ARIH1: variants seen among roughly 807,000 people sequenced by gnomAD.
The protein encoded by ARIH1 is ariadne RBR E3 ubiquitin protein ligase 1, also known as E3 ubiquitin-protein ligase ARIH1.
Under a neutral mutation model 85.0 loss-of-function variants are expected in ARIH1, and 8 were observed. The observed-to-expected ratio is 0.09, with a 90% CI of 0.06 to 0.17. The LOEUF (loss-of-function observed/expected upper bound fraction) is 0.17, where lower values mean the gene tolerates loss of function less well. Ranked by LOEUF, ARIH1 falls within the 10% of genes least tolerant of loss-of-function variation. ARIH1 has a pLI of 1.00. For synonymous variants in ARIH1, 238 were observed against 253.6 expected, an observed-to-expected ratio of 0.94 and a Z score of 0.59; for missense variants, 311 against 718.1, an observed-to-expected ratio of 0.43 and a Z score of 6.48.
chr15:72,572,043 A>ATTT, intron 10 of ARIH1, 65 bp from the exon 11 acceptor site: 15 of 916,698 alleles, frequency 1.6e-5, no homozygotes, highest in Admixed American at 5.3e-5. Context: ...TAAAATTCTG[A>ATTT]TTTTTTTTTT....
Position 72,582,149 on chromosome 15 carries a change from T to C in ARIH1, c.1551T>C (p.Ser517=). The C allele has an allele frequency of 6.2e-7, 1 of 1,613,470 alleles. No individual in the cohort carries two copies. The highest frequency in any genetic ancestry group is 1.3e-5 in the African/African-American group (1 of 75,004). ...TTGAACGAGATATTTCCCAAGATTC[T>C]CTGCAGGATATAAAGCAGAAAGTAC... ...GYLERDISQD[S]LQDIKQKVQD... Residue 517 remains serine, a synonymous_variant, in exon 13 of 14, where the codon TCT becomes TCC. Transcript: ENST00000379887. This position sits in a 1 kb window ranked among gnomAD's most constrained non-coding sequence, Gnocchi z 4.6.
intron 2 of ARIH1, among the ~76,000 whole-genome samples, chr15:72,538,073 A>G (rs1478344927): frequency 1.3e-5 from 2 of 152,166 alleles, no homozygotes; most frequent in East Asian, 3.9e-4. Flanking sequence ...GTTTAAGAAT[A>G]AGCATAGAGG....
At chr15:72,547,242 T>C (rs199881403) in intron 3 of ARIH1, among the ~76,000 whole-genome samples, 1 of 49,712 alleles carries the variant, frequency 2.0e-5, no homozygotes, top group African/African-American at 5.1e-5. Context: ...CCTTTTCTCT[T>C]TTTTTTTTGA....
chr15:72,570,428 G>A (rs2064238289), intron 10 of ARIH1, 121 bp downstream of exon 10: 4 of 1,217,060 alleles, frequency 3.3e-6, no homozygotes, highest in South Asian at 3.0e-5. Context: ...TACATAGTGT[G>A]TGATTAATGT....
intron 1 of ARIH1, among the ~76,000 whole-genome samples, chr15:72,494,485 A>G (rs1280319180): frequency 2.0e-5 from 3 of 152,120 alleles, no homozygotes; most frequent in African/African-American, 7.2e-5. Context: ...AACAATAAGG[A>G]ATTGAATATT....
chr15:72,501,744 C>A (rs1436759745), intron 1 of ARIH1, among the ~76,000 whole-genome samples: 1 of 152,202 alleles, frequency 6.6e-6, no homozygotes, highest in African/African-American at 2.4e-5. Context: ...AATCATCTCA[C>A]AATTCTAATC....
rs2140386651 is a variant in ARIH1, at chr15:72,474,876, C to CGGT, written c.239_240insTGG (p.Gly90dup). ...GCAGCGCTCTGGGGCCCGGCGGTGG[C>CGGT]GGCGGCGGCGGCGGCGGCGGTGGTG... On this transcript the variant is annotated inframe_insertion, in exon 1 of 14. Transcript: ENST00000379887. The CGGT allele has an allele frequency of 7.8e-7, 1 of 1,273,922 alleles. No homozygotes were observed. 78.9% of individuals were successfully genotyped at this position (1,273,922 alleles called of 1,614,324 possible).
chr15:72,547,874 C>CT (rs947313253), intron 3 of ARIH1, among the ~76,000 whole-genome samples: 1 of 152,130 alleles, frequency 6.6e-6, no homozygotes, highest in African/African-American at 2.4e-5. Flanking sequence ...AGTACTGAAG[C>CT]TTGGCTGCTT....
intron 1 of ARIH1, among the ~76,000 whole-genome samples, chr15:72,484,913 G>A (rs1255217655): frequency 3.3e-5 from 5 of 151,872 alleles, no homozygotes; most frequent in African/African-American, 1.2e-4. Flanking sequence ...TATCTTTTTC[G>A]TATAATGACT....
At chr15:72,503,979 A>G (rs2063913921) in intron 1 of ARIH1, among the ~76,000 whole-genome samples, 1 of 152,244 alleles carries the variant, frequency 6.6e-6, no homozygotes, top group South Asian at 2.1e-4. Flanking sequence ...TTACCAGCTC[A>G]GTAGGCTCCT....
intron 2 of ARIH1, among the ~76,000 whole-genome samples, chr15:72,542,615 A>G (rs1380189069): frequency 6.6e-6 from 1 of 152,246 alleles, no homozygotes; most frequent in Non-Finnish European, 1.5e-5. Flanking sequence ...AGACATTTAA[A>G]GACAAAGGTG....
intron 2 of ARIH1, among the ~76,000 whole-genome samples, chr15:72,542,990 G>A (rs991435333): frequency 2.0e-4 from 30 of 150,946 alleles, no homozygotes; most frequent in Non-Finnish European, 3.8e-4. Flanking sequence ...GTGCAGTGCA[G>A]TGGCACCATC....
chr15:72,485,573 C>G (rs2063834533), intron 1 of ARIH1, among the ~76,000 whole-genome samples: 1 of 151,790 alleles, frequency 6.6e-6, no homozygotes, highest in Admixed American at 6.6e-5. Flanking sequence ...TTAGCTTTCA[C>G]TCATTGTTCT....
chr15:72,572,981 CA>C (rs1052211348), intron 11 of ARIH1, among the ~76,000 whole-genome samples: 4 of 152,140 alleles, frequency 2.6e-5, no homozygotes, highest in Non-Finnish European at 4.4e-5. Flanking sequence ...TCATTCCTTT[CA>C]GTCTGGTGAT....
chr15:72,479,249 G>A (rs192494000), intron 1 of ARIH1, among the ~76,000 whole-genome samples: 7 of 152,168 alleles, frequency 4.6e-5, no homozygotes, highest in African/African-American at 1.7e-4. Context: ...AAAAACTTCT[G>A]GTCTCAAGTA....
chr15:72,540,540 A>C (rs938210927), intron 2 of ARIH1, among the ~76,000 whole-genome samples: 1 of 152,176 alleles, frequency 6.6e-6, no homozygotes. Flanking sequence ...GGTAAAAGAA[A>C]AAGATTTCTG....
intron 3 of ARIH1, among the ~76,000 whole-genome samples, chr15:72,549,385 G>A (rs904741777): frequency 6.6e-6 from 1 of 152,172 alleles, no homozygotes; most frequent in African/African-American, 2.4e-5. Context: ...GCCACGGCCA[G>A]CCAGTGTCTC....
chr15:72,524,005 G>A (rs2064013659), intron 2 of ARIH1, among the ~76,000 whole-genome samples: 1 of 145,092 alleles, frequency 6.9e-6, no homozygotes, highest in African/African-American at 2.6e-5. Context: ...GGAGTGCAGT[G>A]GCGCAATCTC....
In ARIH1 at chr15:72,506,351, C is replaced by CAAA. The variant is rs71134002; in HGVS notation, c.376-11704_376-11702dup. ...GGCGACAGAGCAAGACTCCGTCTCA[C>CAAA]AAAAAAAAAAAAAAGAAAAAAAAAA... On this transcript the variant is annotated intron_variant, in intron 1 of 13. Coordinates refer to ENST00000379887, the MANE Select transcript of ARIH1 (RefSeq NM_005744.5). 1.4e-4 allele frequency among the ~76,000 whole-genome samples: 10 copies of CAAA among 73,096 alleles called. No individual in the cohort carries two copies. The East Asian group carries it at 2.0e-3, about 15-fold the overall frequency. The allele number at this position is 73,096 out of a possible 152,430, so 48.0% of individuals were successfully genotyped here.
Sources: gnomAD v4.1 joint callset for allele counts (sites outside exome capture counted in the v4.1 genomes callset) on GRCh38, gnomAD v4.1.1 for gene constraint, Gnocchi (gnomAD v3.1) non-coding constraint, MANE v1.5 for transcripts, NCBI Gene and HGNC (gene_info 2026-07-23, HGNC 2026-07-21) for gene names.